BCAS3: variants seen among roughly 807,000 people sequenced by gnomAD.
BCAS3 encodes the protein BCAS4/BCAS3 fusion.
In BCAS3, 53 loss-of-function variants were observed where a neutral mutation model predicts 116.1. The ratio of observed to expected loss-of-function variants is 0.46; its 90% CI spans 0.37 to 0.57. The LOEUF (loss-of-function observed/expected upper bound fraction) is 0.57, where lower values mean the gene tolerates loss of function less well. Ranked by LOEUF, BCAS3 falls within the 20% of genes least tolerant of loss-of-function variation. The pLI is 0.00. For missense variants in BCAS3, 917 were observed against 1,165.4 expected (o/e 0.79, Z 3.10); for synonymous variants, 391 against 408.2 (o/e 0.96, Z 0.51).
At chr17:60,745,223 A>G (rs1371761710) in intron 5 of BCAS3, among the ~76,000 whole-genome samples, 1 of 151,984 alleles carries the variant, frequency 6.6e-6, no homozygotes, top group African/African-American at 2.4e-5. Flanking sequence ...ATTACTTGAA[A>G]TATAATTTCA....
In BCAS3 at chr17:61,278,638, G is replaced by T. The variant is rs1365392071; in HGVS notation, c.2426-89689G>T. 3.3e-5 allele frequency among the ~76,000 whole-genome samples: 5 copies of T among 152,050 alleles called. No individual in the cohort carries two copies. The highest frequency in any genetic ancestry group is 1.2e-4 in the African/African-American group (5 of 41,372). ...ACAAAATGTGGTGTGTTCCTACAGT[G>T]GAACACAAAATATTCCATAAAAAGG... On this transcript the variant is annotated intron_variant, in intron 22 of 23. Coordinates refer to ENST00000407086, the MANE Select transcript of BCAS3 (RefSeq NM_017679.5). This position sits in a 1 kb window ranked among gnomAD's most constrained non-coding sequence, Gnocchi z 5.8.
At chr17:61,040,148 GA>G (rs1169748810) in intron 18 of BCAS3, among the ~76,000 whole-genome samples, 1 of 152,182 alleles carries the variant, frequency 6.6e-6, no homozygotes, top group Non-Finnish European at 1.5e-5. Context: ...ATATGAAAAT[GA>G]TCCCTGTCCT....
chr17:60,721,184 G>A (rs192284934), intron 5 of BCAS3, among the ~76,000 whole-genome samples: 48 of 152,178 alleles, frequency 3.2e-4, no homozygotes, highest in Middle Eastern at 3.4e-3. Flanking sequence ...GTAATATAAA[G>A]TTAGTGATTT....
chr17:60,695,145 G>A (rs1329960206), intron 4 of BCAS3, among the ~76,000 whole-genome samples: 2 of 138,844 alleles, frequency 1.4e-5, no homozygotes, highest in Admixed American at 1.4e-4. Context: ...TTTTGAGATG[G>A]AGTCTCGCTC....
At position 60,985,571 on chromosome 17, in the gene BCAS3, A is replaced by G. The variant is rs559874616; in HGVS notation, c.1222-4400A>G. On this transcript the variant is annotated intron_variant, in intron 14 of 23. Coordinates refer to ENST00000407086, the MANE Select transcript of BCAS3 (RefSeq NM_017679.5). ...TTTAAAAATGTAGAATTAAATTATT[A>G]TTGACTACAGTCACCCTGTTGTGCT... Among the ~76,000 whole-genome samples, 14 of 152,252 alleles carry G rather than the reference A, an allele frequency of 9.2e-5. No homozygotes were observed. In the East Asian group the frequency reaches 2.5e-3, roughly 27 times the overall value.
chr17:60,700,185 A>AAAAAAAAAAAAAAAAAAAAAAG (rs1319555739), intron 4 of BCAS3, among the ~76,000 whole-genome samples: 1 of 147,062 alleles, frequency 6.8e-6, no homozygotes, highest in African/African-American at 2.7e-5. Context: ...AAAAAAAAAA[A>AAAAAAAAAAAAAAAAAAAAAAG]GAAGCAGTTC....
At chr17:61,298,089 G>C (rs886890116) in intron 22 of BCAS3, among the ~76,000 whole-genome samples, 4 of 152,074 alleles carry the variant, frequency 2.6e-5, no homozygotes, top group African/African-American at 9.7e-5. Flanking sequence ...ATCCTAGCAG[G>C]TTTCTAGAGT....
chr17:60,951,756 TTTTC>T (rs1307139924), intron 14 of BCAS3, among the ~76,000 whole-genome samples: 31 of 148,712 alleles, frequency 2.1e-4, no homozygotes, highest in African/African-American at 7.6e-4. Context: ...TGGCATTTTC[TTTTC>T]TTTCTTTTTT....
chr17:60,909,971 T>C (rs2058400154), intron 11 of BCAS3, among the ~76,000 whole-genome samples: 1 of 152,208 alleles, frequency 6.6e-6, no homozygotes, highest in African/African-American at 2.4e-5. Flanking sequence ...ATTAATATCT[T>C]GGACAGAGAT....
chr17:61,156,661 G>A lies in BCAS3; in HGVS notation c.2425+72097G>A, dbSNP rs1239147840. Among the ~76,000 whole-genome samples the A allele has an allele frequency of 6.6e-6, 1 of 152,044 alleles. No individual in the cohort carries two copies. The highest frequency in any genetic ancestry group is 1.5e-5 in the Non-Finnish European group (1 of 68,002). On this transcript the variant is annotated intron_variant, in intron 22 of 23. Transcript: ENST00000407086. The surrounding 1 kb of genome is among the most constrained non-coding windows in gnomAD (Gnocchi z 4.7). ...TTTAAATATGAAACTGTGTCTTTTT[G>A]TAGTTGATGAGTAACCTGTGGATGT...
Position 60,990,300 on chromosome 17 carries a change from C to A in BCAS3, c.1486+65C>A. 2 of 1,540,800 alleles carry A rather than the reference C, an allele frequency of 1.3e-6. No individual in the cohort carries two copies. Among genetic ancestry groups the A allele is most frequent in the East Asian group, 2.3e-5 (1 of 44,234 alleles). On this transcript the variant is annotated intron_variant, in intron 15 of 23. Coordinates refer to ENST00000407086, the MANE Select transcript of BCAS3 (RefSeq NM_017679.5). The surrounding 1 kb of genome is among the most constrained non-coding windows in gnomAD (Gnocchi z 5.1). Reference sequence around the variant, plus strand: ...TCCCTTTGTCCTTATTTTTACAGATCTGGGATAAAACTAAACTTGTTATAG... The same window carrying A: ...TCCCTTTGTCCTTATTTTTACAGATATGGGATAAAACTAAACTTGTTATAG...
rs2061745680 is a variant in BCAS3, at chr17:60,967,949, T to TTGTTGTTGTTG, written c.1221+20598_1221+20599insGTTGTTGTTGT. 1.3e-5 allele frequency among the ~76,000 whole-genome samples: 2 copies of TTGTTGTTGTTG among 151,256 alleles called. No individual in the cohort carries two copies. Among genetic ancestry groups the TTGTTGTTGTTG allele is most frequent in the African/African-American group, 4.9e-5 (2 of 40,918 alleles). On this transcript the variant is annotated intron_variant, in intron 14 of 23. Coordinates refer to ENST00000407086, the MANE Select transcript of BCAS3 (RefSeq NM_017679.5). The surrounding 1 kb of genome is among the most constrained non-coding windows in gnomAD (Gnocchi z 4.7). ...AATTTCTGAATTGCTTTTCTGTGTG[T>TTGTTGTTGTTG]TTGTTGTTGTTGTTGTTGTTGTTGT...
Position 61,265,697 on chromosome 17 carries a change from T to TC in BCAS3, c.2426-102630_2426-102629insC, listed in dbSNP as rs1568702881. Among the ~76,000 whole-genome samples the TC allele has an allele frequency of 0.018, 1,456 of 81,044 alleles. 23 individuals carry two copies. Among genetic ancestry groups the TC allele is most frequent in the African/African-American group, 0.044 (1,354 of 30,616 alleles). 53.2% of individuals were successfully genotyped at this position (81,044 alleles called of 152,430 possible). Reference sequence around the variant, plus strand: ...AACTATGTAACACCATCATTCTTTTTTCCCCCCCATCAAGTAGTATATCTG... The same window carrying TC: ...AACTATGTAACACCATCATTCTTTTTCTCCCCCCCATCAAGTAGTATATCTG... On this transcript the variant is annotated intron_variant, in intron 22 of 23. Transcript: ENST00000407086. This position sits in a 1 kb window ranked among gnomAD's most constrained non-coding sequence, Gnocchi z 4.3.
intron 22 of BCAS3, among the ~76,000 whole-genome samples, chr17:61,116,828 C>T (rs928989328): frequency 6.6e-6 from 1 of 152,282 alleles, no homozygotes; most frequent in South Asian, 2.1e-4. Flanking sequence ...CTTTGAGCCT[C>T]CGTGTTTTCT....
At chr17:60,983,205 G>A (rs550184432) in intron 14 of BCAS3, among the ~76,000 whole-genome samples, 6 of 152,106 alleles carry the variant, frequency 3.9e-5, no homozygotes, top group East Asian at 3.9e-4. Flanking sequence ...TCAGTAATGC[G>A]ACTCGACTCC....
chr17:60,925,089 T>G (rs1476769440), intron 13 of BCAS3, among the ~76,000 whole-genome samples: 1 of 151,468 alleles, frequency 6.6e-6, no homozygotes, highest in Non-Finnish European at 1.5e-5. Flanking sequence ...TTTTACTATT[T>G]TTTTAAAAAA....
chr17:61,018,740 T>C (rs2065666695), intron 16 of BCAS3, among the ~76,000 whole-genome samples: 1 of 152,184 alleles, frequency 6.6e-6, no homozygotes, highest in Non-Finnish European at 1.5e-5. Context: ...AGCCTTAATA[T>C]ACCCTTATCC....
intron 1 of BCAS3, among the ~76,000 whole-genome samples, chr17:60,678,713 G>A (rs1256896627): frequency 6.6e-6 from 1 of 152,178 alleles, no homozygotes; most frequent in Admixed American, 6.5e-5. Flanking sequence ...TTCCCAACAG[G>A]TTTAATTGGA....
At chr17:61,003,172 A>G (rs1466289121) in intron 15 of BCAS3, among the ~76,000 whole-genome samples, 6 of 150,220 alleles carry the variant, frequency 4.0e-5, no homozygotes, top group East Asian at 2.0e-4. Context: ...TCTATTTTCT[A>G]TCTTTTTTTT....
Sources: gnomAD v4.1 joint callset for allele counts (sites outside exome capture counted in the v4.1 genomes callset) on GRCh38, gnomAD v4.1.1 for gene constraint, Gnocchi (gnomAD v3.1) non-coding constraint, MANE v1.5 for transcripts, NCBI Gene and HGNC (gene_info 2026-07-23, HGNC 2026-07-21) for gene names.